TMEM67: variants seen among roughly 807,000 people sequenced by gnomAD.
TMEM67 encodes transmembrane protein 67.
A neutral mutation model predicts 136.6 loss-of-function variants in TMEM67; 124 were observed. The observed-to-expected ratio is 0.91, with a 90% confidence interval of 0.78 to 1.05. The LOEUF (loss-of-function observed/expected upper bound fraction) is 1.05. Among genes scored for constraint, TMEM67 ranks in the 50% least tolerant of loss-of-function variants. The probability of loss-of-function intolerance (pLI) is 0.00; values close to 1 mark genes in which losing one functional copy is unlikely to be tolerated. For synonymous variants in TMEM67, 364 were observed against 390.5 expected (o/e 0.93, Z 0.80); for missense variants, 1,107 against 1,178.4 (o/e 0.94, Z 0.89).
chr8:93,809,736 A>G, intron 25 of TMEM67, 49 bp from the exon 26 acceptor site: 1 of 1,070,390 alleles, frequency 9.3e-7, no homozygotes, highest in Non-Finnish European at 1.4e-6. Flanking sequence ...ATTGCAAAGC[A>G]TTTATTTCAC....
At chr8:93,800,602 A>G (rs1467421917) in intron 21 of TMEM67, among the ~76,000 whole-genome samples, 1 of 152,100 alleles carries the variant, frequency 6.6e-6, no homozygotes, top group Non-Finnish European at 1.5e-5. Flanking sequence ...TCCTCATTTT[A>G]TAGATGAGGA....
rs1812849801 is a variant in TMEM67 at position 93,761,813 on chromosome 8, G to A, written c.407-2029G>A. Among the ~76,000 whole-genome samples the A allele has an allele frequency of 2.0e-5, 3 of 152,250 alleles. No homozygotes were observed. In the South Asian group the frequency reaches 6.2e-4, roughly 32 times the overall value. On this transcript the variant is annotated intron_variant, in intron 3 of 27. Coordinates refer to ENST00000453321, the MANE Select transcript of TMEM67 (RefSeq NM_153704.6). The stretch of plus-strand genomic sequence containing the variant: ...TATGTACTTGGTATTCCACTATTTA[G>A]CTTTTTAAAGACCATTATATATGCA...
At chr8:93,757,773 T>A (rs1184969934) in intron 2 of TMEM67, among the ~76,000 whole-genome samples, 1 of 152,098 alleles carries the variant, frequency 6.6e-6, no homozygotes, top group Admixed American at 6.5e-5. Context: ...TGAATTTTTT[T>A]TTTTTTTGAA....
Position 93,815,406 on chromosome 8 carries a change from A to G in TMEM67, c.2866A>G (p.Asn956Asp). Reference protein sequence around the residue: ...FFCVVDLACQNFILASFLTYL... With the variant: ...FFCVVDLACQDFILASFLTYL... ...CTGTGTTGTGGATTTGGCTTGCCAA[A>G]ATTTTATTTTAGCATCCTTCCTTAC... The change falls in exon 27 of 28, where the codon AAT becomes GAT. Residue 956 changes from asparagine (N) to aspartate (D), a missense_variant. By Grantham distance (23) the Asn-to-Asp change is conservative (BLOSUM62 1). Transcript: ENST00000453321. 6.2e-7 allele frequency: 1 copy of G among 1,612,986 alleles called. No individual in the cohort carries two copies. The highest frequency in any genetic ancestry group is 8.5e-7 in the Non-Finnish European group (1 of 1,179,686).
At chr8:93,804,310 C>CTTTT (rs1182297223) in intron 22 of TMEM67, among the ~76,000 whole-genome samples, 971 of 93,736 alleles carry the variant, frequency 0.01, 41 homozygotes, top group African/African-American at 0.03. Context: ...CTTTTCTTTT[C>CTTTT]TTTTTTTTTT....
intron 3 of TMEM67, 124 bp from the exon 4 acceptor site, chr8:93,763,718 T>C: frequency 1.4e-6 from 1 of 699,692 alleles, no homozygotes; most frequent in Non-Finnish European, 2.5e-6. Flanking sequence ...TTAATGCAAA[T>C]AAAGTGTTTT....
chr8:93,822,949 T>C (rs1809061508), downstream of TMEM67, among the ~76,000 whole-genome samples: 1 of 152,232 alleles, frequency 6.6e-6, no homozygotes, highest in Non-Finnish European at 1.5e-5. Flanking sequence ...CCTTTATCTA[T>C]ATACAATTTC....
intron 11 of TMEM67, 71 bp downstream of exon 11, chr8:93,782,531 T>C: frequency 8.6e-7 from 1 of 1,168,614 alleles, no homozygotes; most frequent in Non-Finnish European, 1.2e-6. Context: ...GTAATTGGAA[T>C]AATACTTAAA....
At chr8:93,827,898 G>C in the TMEM67 span, among the ~76,000 whole-genome samples, 70 of 152,174 alleles carry the variant, frequency 4.6e-4, no homozygotes, top group African/African-American at 1.6e-3. Flanking sequence ...CATCTGAGAA[G>C]GCTATTGATT....
At chr8:93,756,696 C>A (rs1395895211) in intron 2 of TMEM67, 1 of 151,992 alleles carries the variant, frequency 6.6e-6, no homozygotes, top group Non-Finnish European at 1.5e-5. Context: ...AGCTGAATTA[C>A]CCATGATAAA....
intron 11 of TMEM67, 115 bp downstream of exon 11, chr8:93,782,575 T>G (rs1813890905): frequency 7.0e-5 from 50 of 713,884 alleles, no homozygotes; most frequent in Middle Eastern, 4.4e-4. Context: ...TTCTTGGTTT[T>G]TTTTTTTTTT....
intron 14 of TMEM67, 157 bp from the exon 15 acceptor site, chr8:93,791,106 C>CT (rs1386755970): frequency 8.6e-6 from 5 of 581,806 alleles, no homozygotes; most frequent in Non-Finnish European, 1.5e-5. Context: ...AAAAGCATAT[C>CT]TATTTACGTG....
Position 93,772,662 on chromosome 8 carries a change from A to C in TMEM67, c.714+11A>C. On this transcript the variant is annotated intron_variant, in intron 7 of 27. Coordinates refer to ENST00000453321, the MANE Select transcript of TMEM67 (RefSeq NM_153704.6). ...GCAGCTGCATGTTGGGTAAGTTTGA[A>C]TTTTTTAAATAAATTTCATTTTATT... is the stretch of plus-strand genomic sequence containing the variant. The C allele has an allele frequency of 1.2e-6, 2 of 1,601,180 alleles. No individual in the cohort carries two copies. The highest frequency in any genetic ancestry group is 1.7e-6 in the Non-Finnish European group (2 of 1,169,934).
intron 21 of TMEM67, among the ~76,000 whole-genome samples, chr8:93,800,680 T>C (rs1439634663): frequency 6.6e-6 from 1 of 152,154 alleles, no homozygotes; most frequent in African/African-American, 2.4e-5. Context: ...AGAACTGGAA[T>C]TGGAACTCAG....
chr8:93,798,669 T>A (rs1814729306), intron 20 of TMEM67, among the ~76,000 whole-genome samples: 1 of 152,128 alleles, frequency 6.6e-6, no homozygotes, highest in Non-Finnish European at 1.5e-5. Flanking sequence ...TCCCTCTTTT[T>A]TCTTCTTTCT....
chr8:93,775,746 G>C (rs1158805614), intron 7 of TMEM67, among the ~76,000 whole-genome samples: 1 of 152,130 alleles, frequency 6.6e-6, no homozygotes, highest in Non-Finnish European at 1.5e-5. Flanking sequence ...TGCTGTTTTG[G>C]TTACTGTAGC....
Position 93,809,178 on chromosome 8 carries a change from T to C in TMEM67, c.2661+17T>C, listed in dbSNP as rs2130781754. 2.2e-6 allele frequency: 3 copies of C among 1,366,308 alleles called. No individual in the cohort carries two copies. In the East Asian group the frequency reaches 6.9e-5, roughly 31 times the overall value. The allele number at this position is 1,366,308 out of a possible 1,614,324, so 84.6% of individuals were successfully genotyped here. ...ATTGACCATGTATGTATGTCAACAT[T>C]TATATTTAAGCTGGGATCAAATGCA... On this transcript the variant is annotated intron_variant, in intron 25 of 27. Coordinates refer to ENST00000453321, the MANE Select transcript of TMEM67 (RefSeq NM_153704.6).
chr8:93,759,762 C>T (rs1469251703), intron 3 of TMEM67: 1 of 301,394 alleles, frequency 3.3e-6, no homozygotes, highest in Non-Finnish European at 6.2e-6. Context: ...GATTCTCCTG[C>T]CTCAGCCTCC....
Position 93,789,691 on chromosome 8 carries a change from A to C in TMEM67, c.1519-1572A>C, listed in dbSNP as rs565049149. Among the ~76,000 whole-genome samples the C allele has an allele frequency of 1.0e-4, 15 of 149,892 alleles. No homozygotes were observed. The South Asian group carries it at 1.7e-3, about 17-fold the overall frequency. On this transcript the variant is annotated intron_variant, in intron 14 of 27. Coordinates refer to ENST00000453321, the MANE Select transcript of TMEM67 (RefSeq NM_153704.6). ...ATATATTTTTTTTTTAATGTAAAAC[A>C]CTTCTGAGTTTTTTTCTTTAAATAT...
Sources: allele counts gnomAD v4.1 joint callset (sites outside exome capture counted in the v4.1 genomes callset), GRCh38; gene constraint gnomAD v4.1.1; transcripts MANE v1.5; gene names NCBI Gene and HGNC (gene_info 2026-07-23, HGNC 2026-07-21).